UBE2E2: variants seen among roughly 807,000 people sequenced by gnomAD.
UBE2E2 encodes the protein ubiquitin conjugating enzyme E2 E2, also known as ubiquitin-conjugating enzyme E2 E2.
UBE2E2 carries 6 observed loss-of-function variants against 24.7 expected under a neutral mutation model. The ratio of observed to expected loss-of-function variants is 0.24; its 90% confidence interval spans 0.13 to 0.48. UBE2E2 has a LOEUF of 0.48. Ranked by LOEUF, UBE2E2 falls within the 20% of genes least tolerant of loss-of-function variation. UBE2E2 has a pLI of 0.99. For synonymous variants in UBE2E2, 104 were observed against 83.6 expected, an observed-to-expected ratio of 1.24 and a Z score of -1.33; for missense variants, 169 against 245.0, an observed-to-expected ratio of 0.69 and a Z score of 2.07.
intron 3 of UBE2E2, among the ~76,000 whole-genome samples, chr3:23,275,387 C>A (rs575383868): frequency 6.6e-6 from 1 of 152,192 alleles, no homozygotes; most frequent in East Asian, 1.9e-4. Context: ...CTGAAATAGA[C>A]CAATTGTGCC....
At chr3:23,342,165 G>T (rs1162346740) in intron 3 of UBE2E2, among the ~76,000 whole-genome samples, 2 of 151,990 alleles carry the variant, frequency 1.3e-5, no homozygotes, top group African/African-American at 2.4e-5. Flanking sequence ...AAGCATTATG[G>T]GGGGTACTTT....
chr3:23,374,104 T>A (rs1161007004), intron 3 of UBE2E2, among the ~76,000 whole-genome samples: 1 of 152,142 alleles, frequency 6.6e-6, no homozygotes, highest in African/African-American at 2.4e-5. Context: ...CAAAATATAA[T>A]GGTATAAAAT....
chr3:23,427,601 T>C (rs996895982), intron 3 of UBE2E2, among the ~76,000 whole-genome samples: 2 of 152,166 alleles, frequency 1.3e-5, no homozygotes, highest in African/African-American at 4.8e-5. Flanking sequence ...GGCCTAAATA[T>C]ACAAATTAAA....
chr3:23,550,284 T>C (rs1695613295), intron 5 of UBE2E2, among the ~76,000 whole-genome samples: 1 of 152,174 alleles, frequency 6.6e-6, no homozygotes, highest in Non-Finnish European at 1.5e-5. Context: ...GCCTCTTTAT[T>C]CCCAGCACCT....
At chr3:23,386,436 G>C (rs1696807088) in intron 3 of UBE2E2, among the ~76,000 whole-genome samples, 1 of 151,982 alleles carries the variant, frequency 6.6e-6, no homozygotes, top group Non-Finnish European at 1.5e-5. Flanking sequence ...AATTTAGCGG[G>C]GACACGAACA....
At chr3:23,362,247 G>C (rs184688683) in intron 3 of UBE2E2, among the ~76,000 whole-genome samples, 1 of 152,182 alleles carries the variant, frequency 6.6e-6, no homozygotes, top group African/African-American at 2.4e-5. Context: ...TCTGGGCTCA[G>C]TGTGGAGCCA....
intron 3 of UBE2E2, among the ~76,000 whole-genome samples, chr3:23,240,971 C>T (rs1363094888): frequency 6.6e-6 from 1 of 152,108 alleles, no homozygotes; most frequent in East Asian, 1.9e-4. Flanking sequence ...CTTAGGCTGT[C>T]TGTAAAATCT....
chr3:23,316,639 ATCTT>A, intron 3 of UBE2E2, among the ~76,000 whole-genome samples: 1 of 151,522 alleles, frequency 6.6e-6, no homozygotes, highest in East Asian at 2.0e-4. Flanking sequence ...AGTACCCTTA[ATCTT>A]TCTTCTACTT....
chr3:23,541,027 C>A (rs1010320824), intron 5 of UBE2E2, among the ~76,000 whole-genome samples: 3 of 152,154 alleles, frequency 2.0e-5, no homozygotes, highest in African/African-American at 7.2e-5. Context: ...TATGGAAATT[C>A]CAATCTGAAA....
intron 4 of UBE2E2, among the ~76,000 whole-genome samples, chr3:23,525,356 C>T (rs1694969761): frequency 2.0e-5 from 3 of 152,120 alleles, no homozygotes; most frequent in African/African-American, 7.2e-5. Context: ...ACATGTGTAC[C>T]CACACATGCA....
chr3:23,339,243 G>T (rs1695312954), intron 3 of UBE2E2, among the ~76,000 whole-genome samples: 1 of 152,096 alleles, frequency 6.6e-6, no homozygotes, highest in Non-Finnish European at 1.5e-5. Flanking sequence ...TTTAGAAAGT[G>T]TCAAGATTAT....
chr3:23,559,935 T>C (rs559183269), intron 5 of UBE2E2, among the ~76,000 whole-genome samples: 1 of 152,158 alleles, frequency 6.6e-6, no homozygotes, highest in Admixed American at 6.6e-5. Context: ...ATATACCTCA[T>C]GCACATAGTG....
chr3:23,350,845 A>G (rs561976522), intron 3 of UBE2E2, among the ~76,000 whole-genome samples: 1 of 152,370 alleles, frequency 6.6e-6, no homozygotes, highest in South Asian at 2.1e-4. Context: ...TCCCCAATCT[A>G]GCAAGGCAGA....
intron 3 of UBE2E2, among the ~76,000 whole-genome samples, chr3:23,372,310 TATC>T (rs1182051595): frequency 1.3e-5 from 2 of 152,208 alleles, no homozygotes; most frequent in Admixed American, 6.5e-5. Context: ...ATACGTCTAG[TATC>T]ATCTTTAATG....
chr3:23,499,516 G>A, intron 3 of UBE2E2, 92 bp from the exon 4 acceptor site: 1 of 1,470,828 alleles, frequency 6.8e-7, no homozygotes, highest in Non-Finnish European at 9.1e-7. Flanking sequence ...TGTTTTTATG[G>A]AATTGCTCAA....
At chr3:23,208,573 C>A (rs1375884840) in intron 1 of UBE2E2, 119 bp from the exon 2 acceptor site, 2 of 743,714 alleles carry the variant, frequency 2.7e-6, no homozygotes, top group Admixed American at 8.1e-5. Flanking sequence ...TTGTAAATGA[C>A]CAATTTAATC....
chr3:23,364,646 A>G (rs9840820), intron 3 of UBE2E2, among the ~76,000 whole-genome samples: 54,073 of 152,064 alleles, frequency 0.36, 10,849 homozygotes, highest in Admixed American at 0.52. Context: ...CCTGCCAATC[A>G]CAAAAATCCC....
intron 3 of UBE2E2, among the ~76,000 whole-genome samples, chr3:23,481,304 A>G (rs1274740273): frequency 1.3e-5 from 2 of 152,226 alleles, no homozygotes; most frequent in Non-Finnish European, 2.9e-5. Flanking sequence ...AATGAGTAAT[A>G]GCGTTTTACA....
intron 3 of UBE2E2, among the ~76,000 whole-genome samples, chr3:23,350,665 G>A (rs1473264909): frequency 6.6e-6 from 1 of 152,138 alleles, no homozygotes; most frequent in Non-Finnish European, 1.5e-5. Context: ...ATGAAATGAA[G>A]CAAGAAGGGA....
Sources: gnomAD v4.1 joint callset for allele counts (sites outside exome capture counted in the v4.1 genomes callset) on GRCh38, gnomAD v4.1.1 for gene constraint, MANE v1.5 for transcripts, NCBI Gene and HGNC (gene_info 2026-07-23, HGNC 2026-07-21) for gene names.